Variants in CYBC1 observed in about 807,000 individuals in gnomAD.
CYBC1 encodes essential for reactive oxygen species protein.
CYBC1 carries 22 observed loss-of-function variants against 21.7 expected under a neutral mutation model. That is an observed-to-expected ratio of 1.02 (90% CI 0.73 to 1.45). CYBC1 has a LOEUF of 1.45. Ranked by LOEUF, CYBC1 falls within the 40% of genes most tolerant of loss-of-function variation. The pLI, the probability that CYBC1 is intolerant of heterozygous loss-of-function variation, is 0.00. For missense variants in CYBC1, 237 were observed against 242.1 expected (o/e 0.98, Z 0.14); for synonymous variants, 112 against 98.7 (o/e 1.13, Z -0.80).
At position 82,442,741 on chromosome 17, in the gene CYBC1, G is replaced by C. The variant is rs564766003; in HGVS notation, c.*1263C>G. On this transcript the variant is annotated 3_prime_UTR_variant, in exon 7 of 7. Coordinates refer to ENST00000306645, the MANE Select transcript of CYBC1 (RefSeq NM_001033046.4). The surrounding 1 kb of genome is among the most constrained non-coding windows in gnomAD (Gnocchi z 6.8). ...GGAGGGTCCCATCTCTCTCCTGTCGGCTTTCACCGAGGTCACAGCCAGACG... is the reference window on the plus strand; with the variant it reads ...GGAGGGTCCCATCTCTCTCCTGTCGCCTTTCACCGAGGTCACAGCCAGACG... 15 of 768,176 alleles carry C rather than the reference G, an allele frequency of 2.0e-5. No individual in the cohort carries two copies. In the Middle Eastern group the frequency reaches 8.7e-4, roughly 44 times the overall value. 47.6% of individuals were successfully genotyped at this position (768,176 alleles called of 1,614,324 possible).
Position 82,442,808 on chromosome 17 carries a change from C to T in CYBC1, c.*1196G>A. On this transcript the variant is annotated 3_prime_UTR_variant, in exon 7 of 7. Coordinates refer to ENST00000306645, the MANE Select transcript of CYBC1 (RefSeq NM_001033046.4). The surrounding 1 kb of genome is among the most constrained non-coding windows in gnomAD (Gnocchi z 6.8). ...CCTGTCCTACCCAGCCATTCCTGGG[C>T]CTGCCGCCTAGGGGCTCACAGGGCC... The T allele has an allele frequency of 3.8e-6, 2 of 525,214 alleles. No individual in the cohort carries two copies. The highest frequency in any genetic ancestry group is 6.7e-6 in the Non-Finnish European group (2 of 297,372). 32.5% of individuals were successfully genotyped at this position (525,214 alleles called of 1,614,324 possible).
At chr17:82,445,473 CA>C in intron 5 of CYBC1, 1 of 182,974 alleles carries the variant, frequency 5.5e-6, no homozygotes, top group South Asian at 9.1e-5. Context: ...CCGCTGGGGC[CA>C]GACTGCACCT....
chr17:82,444,662 C>T (rs2054174963), intron 5 of CYBC1, 71 bp from the exon 6 acceptor site: 2 of 1,511,382 alleles, frequency 1.3e-6, no homozygotes, highest in South Asian at 1.3e-5. Flanking sequence ...ACCAGCGCCA[C>T]TGGCATCATC....
intron 5 of CYBC1, 148 bp from the exon 6 acceptor site, chr17:82,444,739 G>T (rs905603532): frequency 9.5e-7 from 1 of 1,047,230 alleles, no homozygotes; most frequent in Non-Finnish European, 1.4e-6. Flanking sequence ...GCTGGGCCCC[G>T]GAGGACTGCT....
intron 3 of CYBC1, 132 bp from the exon 4 acceptor site, chr17:82,446,828 C>T (rs2054323486): frequency 4.8e-6 from 4 of 835,188 alleles, no homozygotes; most frequent in Non-Finnish European, 7.7e-6. Context: ...GCTTCCTGTG[C>T]TGCTGACCCT....
chr17:82,444,759 A>G (rs1001678608), intron 5 of CYBC1, 168 bp from the exon 6 acceptor site: 3 of 835,708 alleles, frequency 3.6e-6, no homozygotes, highest in Non-Finnish European at 5.5e-6. Flanking sequence ...TGTGGCCCTG[A>G]AGGCAGTGCA....
chr17:82,446,972 A>T, intron 3 of CYBC1: 2 of 536,358 alleles, frequency 3.7e-6, no homozygotes, highest in Non-Finnish European at 6.7e-6. Context: ...GCAGGGTGGG[A>T]AGTACACCTC....
rs2054181511 is a variant in CYBC1, at chr17:82,444,781, G to A, written c.299-190C>T. 8 of 682,638 alleles carry A rather than the reference G, an allele frequency of 1.2e-5. No homozygotes were observed. The South Asian group carries it at 1.7e-4, about 14-fold the overall frequency. 42.3% of individuals were successfully genotyped at this position (682,638 alleles called of 1,614,324 possible). A position where few individuals can be genotyped will look rare whatever the true frequency, so the allele number is the denominator to read the frequency against. On this transcript the variant is annotated intron_variant, in intron 5 of 6. Coordinates refer to ENST00000306645, the MANE Select transcript of CYBC1 (RefSeq NM_001033046.4). The stretch of plus-strand genomic sequence containing the variant: ...CTGAAGGCAGTGCAGGGTCCTCTGG[G>A]TGGGAAGGACGTGCCCGCGGTGCAG...
chr17:82,449,292 T>C lies in CYBC1; in HGVS notation c.-38A>G. 1 of 1,479,948 alleles carries C rather than the reference T, an allele frequency of 6.8e-7. No homozygotes were observed. 91.7% of individuals were successfully genotyped at this position (1,479,948 alleles called of 1,614,324 possible). ...GCACCACTCTCTACAGGAGGAGGGGTCTGGGAACAGACAGAGGCAGCTGAG... is the reference window on the plus strand; with the variant it reads ...GCACCACTCTCTACAGGAGGAGGGGCCTGGGAACAGACAGAGGCAGCTGAG... On this transcript the variant is annotated splice_region_variant and 5_prime_UTR_variant, in exon 2 of 7. Transcript: ENST00000306645.
chr17:82,447,363 A>G (rs2054366021), intron 3 of CYBC1: 2 of 593,344 alleles, frequency 3.4e-6, no homozygotes, highest in Non-Finnish European at 6.0e-6. Flanking sequence ...AAAAAAAAAA[A>G]AAAAAGAAGT....
chr17:82,442,749 C>G lies in CYBC1; in HGVS notation c.*1255G>C. On this transcript the variant is annotated 3_prime_UTR_variant, in exon 7 of 7. Coordinates refer to ENST00000306645, the MANE Select transcript of CYBC1 (RefSeq NM_001033046.4). The surrounding 1 kb of genome is among the most constrained non-coding windows in gnomAD (Gnocchi z 6.8). ...CCATCTCTCTCCTGTCGGCTTTCAC[C>G]GAGGTCACAGCCAGACGTGGGGCAA... is the stretch of plus-strand genomic sequence containing the variant. 1.4e-6 allele frequency: 1 copy of G among 719,994 alleles called. No homozygotes were observed. Among genetic ancestry groups the G allele is most frequent in the Non-Finnish European group, 2.2e-6 (1 of 448,918 alleles). The allele number at this position is 719,994 out of a possible 1,614,324, so 44.6% of individuals were successfully genotyped here.
intron 5 of CYBC1, chr17:82,445,380 C>A (rs959770334): frequency 6.0e-6 from 1 of 167,104 alleles, no homozygotes; most frequent in Admixed American, 5.7e-5. Flanking sequence ...TGGAGCAGCG[C>A]CAAGGCCCGC....
In CYBC1 at chr17:82,443,926, C is replaced by T. The variant is rs1395088163; in HGVS notation, c.*78G>A. 11 of 1,537,990 alleles carry T rather than the reference C, an allele frequency of 7.2e-6. No homozygotes were observed. Among genetic ancestry groups the T allele is most frequent in the South Asian group, 6.7e-5 (6 of 89,656 alleles). The stretch of plus-strand genomic sequence containing the variant: ...GGGAATGTGCCACGGGTCCTGTGGG[C>T]GGTGCACGGGCTCAGGCACACCGGG... On this transcript the variant is annotated 3_prime_UTR_variant, in exon 7 of 7. Coordinates refer to ENST00000306645, the MANE Select transcript of CYBC1 (RefSeq NM_001033046.4). The surrounding 1 kb of genome is among the most constrained non-coding windows in gnomAD (Gnocchi z 6.7).
rs755787347 is a variant in CYBC1 at position 82,444,479 on chromosome 17, G to C, written c.411C>G (p.Pro137=). 2.5e-6 allele frequency: 4 copies of C among 1,613,606 alleles called. No homozygotes were observed. Among genetic ancestry groups the C allele is most frequent in the South Asian group, 2.2e-5 (2 of 91,072 alleles). The change falls in exon 6 of 7, where the codon CCC becomes CCG. Residue 137 remains proline, a synonymous_variant. Coordinates refer to ENST00000306645, the MANE Select transcript of CYBC1 (RefSeq NM_001033046.4). ...GGCCCATGACTGCACTCTGCGTGAG[G>C]GGGTGGGAGAAGCCCGTCGCAAGCC... ...VLRLATGFSH[P]LTQSAVMGHR...
chr17:82,443,438 G>A lies in CYBC1; in HGVS notation c.*566C>T, dbSNP rs1284827744. 4.8e-6 allele frequency: 3 copies of A among 629,352 alleles called. No homozygotes were observed. Among genetic ancestry groups the A allele is most frequent in the East Asian group, 3.0e-5 (1 of 33,584 alleles). The allele number at this position is 629,352 out of a possible 1,614,324, so 39.0% of individuals were successfully genotyped here. A position where few individuals can be genotyped will look rare whatever the true frequency, so the allele number is the denominator to read the frequency against. On this transcript the variant is annotated 3_prime_UTR_variant, in exon 7 of 7. Transcript: ENST00000306645. This position sits in a 1 kb window ranked among gnomAD's most constrained non-coding sequence, Gnocchi z 6.7. The stretch of plus-strand genomic sequence containing the variant: ...CAGCGTGCACAGCCAGGTAGGCCCT[G>A]GATGTTCACCCCTCACTGCCCTTGG...
At position 82,444,556 on chromosome 17, in the gene CYBC1, C is replaced by T. The variant is rs375888263; in HGVS notation, c.334G>A (p.Val112Met). ...AAGTACCGGACCTTCTCCTCCTCCACGCTCACATCACGGACATCATGGAGC... is the reference window on the plus strand; with the variant it reads ...AAGTACCGGACCTTCTCCTCCTCCATGCTCACATCACGGACATCATGGAGC... ...VLLHDVRDVSVEEEKVRYFGK... is the reference protein window; with the variant it reads ...VLLHDVRDVSMEEEKVRYFGK... Residue 112 changes from valine to methionine, a missense_variant, in exon 6 of 7, where the codon GTG becomes ATG. Physicochemically the swap from Val to Met is conservative, Grantham distance 21. Transcript: ENST00000306645. The T allele has an allele frequency of 1.2e-5, 20 of 1,613,654 alleles. No individual in the cohort carries two copies. The highest frequency in any genetic ancestry group is 1.2e-4 in the African/African-American group (9 of 74,946).
At position 82,442,775 on chromosome 17, in the gene CYBC1, A is replaced by C; in HGVS notation, c.*1229T>G. ...GAGGTCACAGCCAGACGTGGGGCAAAGGTGTTCCCTGTCCTACCCAGCCAT... is the reference window on the plus strand; with the variant it reads ...GAGGTCACAGCCAGACGTGGGGCAACGGTGTTCCCTGTCCTACCCAGCCAT... On this transcript the variant is annotated 3_prime_UTR_variant, in exon 7 of 7. Coordinates refer to ENST00000306645, the MANE Select transcript of CYBC1 (RefSeq NM_001033046.4). This position sits in a 1 kb window ranked among gnomAD's most constrained non-coding sequence, Gnocchi z 6.8. 1 of 606,062 alleles carries C rather than the reference A, an allele frequency of 1.7e-6. No individual in the cohort carries two copies. Among genetic ancestry groups the C allele is most frequent in the South Asian group, 2.2e-5 (1 of 44,660 alleles). 37.5% of individuals were successfully genotyped at this position (606,062 alleles called of 1,614,324 possible). A position where few individuals can be genotyped will look rare whatever the true frequency, so the allele number is the denominator to read the frequency against.
intron 1 of CYBC1, chr17:82,449,756 GCT>G: frequency 6.5e-6 from 1 of 154,162 alleles, no homozygotes; most frequent in Non-Finnish European, 1.4e-5. Context: ...AACGATCTCA[GCT>G]CTCTCTCTGC....
rs1313691721 is a variant in CYBC1, at chr17:82,442,623, TAA to T, written c.*1379_*1380del. 9 of 1,536,466 alleles carry T rather than the reference TAA, an allele frequency of 5.9e-6. No homozygotes were observed. In the Admixed American group the frequency reaches 7.7e-5, roughly 13 times the overall value. On this transcript the variant is annotated 3_prime_UTR_variant, in exon 7 of 7. Coordinates refer to ENST00000306645, the MANE Select transcript of CYBC1 (RefSeq NM_001033046.4). This position sits in a 1 kb window ranked among gnomAD's most constrained non-coding sequence, Gnocchi z 6.8. ...ATGTGTGACACTGATTCTTTGGAAA[TAA>T]AGAGTGGAAGCTGCAGGTGACACGT...
Sources: gnomAD v4.1 joint callset for allele counts on GRCh38, gnomAD v4.1.1 for gene constraint, Gnocchi (gnomAD v3.1) non-coding constraint, MANE v1.5 for transcripts, NCBI Gene and HGNC (gene_info 2026-07-23, HGNC 2026-07-21) for gene names.